The following FAM240B variants were observed in gnomAD, a reference collection of about 807,000 sequenced individuals.
The protein encoded by FAM240B is family with sequence similarity 240 member B, also known as protein FAM240B.
At chr9:38,700,268 T>G (rs532876955) in intron 2 of FAM240B, among the ~76,000 whole-genome samples, 1 of 152,334 alleles carries the variant, frequency 6.6e-6, no homozygotes, top group South Asian at 2.1e-4. Context: ...GTCCAATATC[T>G]TATTGCCTGA....
At chr9:38,718,585 AT>A (rs1396892934) in intron 1 of FAM240B, among the ~76,000 whole-genome samples, 1 of 152,246 alleles carries the variant, frequency 6.6e-6, no homozygotes, top group Non-Finnish European at 1.5e-5. Context: ...TGCTGAATTA[AT>A]GAATTGATGA....
intron 1 of FAM240B, among the ~76,000 whole-genome samples, chr9:38,713,489 A>AAC (rs1348639010): frequency 2.7e-5 from 4 of 149,392 alleles, no homozygotes; most frequent in African/African-American, 1.0e-4. Context: ...AACAAAAAAA[A>AAC]AAAAAAAAAA....
At chr9:38,708,885 G>T (rs1821221230) in intron 1 of FAM240B, among the ~76,000 whole-genome samples, 1 of 152,128 alleles carries the variant, frequency 6.6e-6, no homozygotes, top group Admixed American at 6.6e-5. Context: ...TCTGTTGCTG[G>T]GCTGTAAGAA....
intron 2 of FAM240B, among the ~76,000 whole-genome samples, chr9:38,698,412 A>G (rs1366606303): frequency 6.6e-6 from 1 of 152,224 alleles, no homozygotes; most frequent in African/African-American, 2.4e-5. Flanking sequence ...ATCACATTTC[A>G]TTATTATTCT....
rs1821207326 is a variant in FAM240B, at chr9:38,707,734, C to T, written c.-3-3732G>A. 2.0e-5 allele frequency among the ~76,000 whole-genome samples: 3 copies of T among 147,270 alleles called. No homozygotes were observed. The South Asian group carries it at 6.4e-4, about 31-fold the overall frequency. On this transcript the variant is annotated intron_variant, in intron 1 of 2. Coordinates refer to ENST00000637493, the MANE Select transcript of FAM240B (RefSeq NM_001394922.1). ...GCTTGAACCTGGGAGGTGGAGATTG[C>T]AGTGAGCTGAGGCAGCGCCACTGCA...
chr9:38,705,979 A>G (rs56318185), intron 1 of FAM240B, among the ~76,000 whole-genome samples: 8,384 of 152,280 alleles, frequency 0.055, 320 homozygotes, highest in Non-Finnish European at 0.086. Flanking sequence ...AAGGAGATGC[A>G]GGGACAGAAG....
At chr9:38,710,646 C>T (rs1366197411) in intron 1 of FAM240B, among the ~76,000 whole-genome samples, 2 of 152,138 alleles carry the variant, frequency 1.3e-5, no homozygotes, top group East Asian at 3.9e-4. Flanking sequence ...AACGACAGGG[C>T]GTGGAAGTGA....
chr9:38,711,802 A>G (rs765070829), intron 1 of FAM240B, among the ~76,000 whole-genome samples: 2 of 151,744 alleles, frequency 1.3e-5, no homozygotes, highest in Non-Finnish European at 2.9e-5. Flanking sequence ...GATTATAGGC[A>G]CGTGCCACCA....
In FAM240B at chr9:38,697,378, C is replaced by G. The variant is rs546028044; in HGVS notation, c.144-2509G>C. ...TTCTTTAACAGGTGGCTTTGGCTCA[C>G]TGACTCCCCATTACTCTGGCCAAAA... is the stretch of plus-strand genomic sequence containing the variant. On this transcript the variant is annotated intron_variant, in intron 2 of 2. Coordinates refer to ENST00000637493, the MANE Select transcript of FAM240B (RefSeq NM_001394922.1). 5.3e-5 allele frequency among the ~76,000 whole-genome samples: 8 copies of G among 152,320 alleles called. No homozygotes were observed. In the East Asian group the frequency reaches 1.5e-3, roughly 29 times the overall value.
chr9:38,707,119 T>G (rs1416884911), intron 1 of FAM240B, among the ~76,000 whole-genome samples: 1 of 152,236 alleles, frequency 6.6e-6, no homozygotes, highest in Non-Finnish European at 1.5e-5. Context: ...CACAGATTTT[T>G]TTAAATTACA....
chr9:38,703,668 T>C (rs1013060844), intron 2 of FAM240B, among the ~76,000 whole-genome samples, 189 bp downstream of exon 2: 3 of 152,190 alleles, frequency 2.0e-5, no homozygotes, highest in Non-Finnish European at 4.4e-5. Context: ...CTTCCAAGTC[T>C]TGCTCCCATT....
chr9:38,698,791 A>G (rs187553858), intron 2 of FAM240B, among the ~76,000 whole-genome samples: 1 of 152,254 alleles, frequency 6.6e-6, no homozygotes, highest in Non-Finnish European at 1.5e-5. Flanking sequence ...CACTATTGCT[A>G]AATGGTAAGG....
intron 1 of FAM240B, among the ~76,000 whole-genome samples, chr9:38,719,487 G>A (rs146656313): frequency 2.0e-5 from 3 of 152,218 alleles, no homozygotes; most frequent in African/African-American, 4.8e-5. Flanking sequence ...TCATGCACTT[G>A]AGTCTATCTG....
intron 1 of FAM240B, among the ~76,000 whole-genome samples, chr9:38,716,681 A>G (rs545446035): frequency 1.3e-5 from 2 of 152,282 alleles, no homozygotes; most frequent in African/African-American, 4.8e-5. Context: ...ATTGGCTAAC[A>G]TATTGTTTCT....
chr9:38,707,793 CAAAAAA>C (rs11300800), intron 1 of FAM240B, among the ~76,000 whole-genome samples: 2 of 109,398 alleles, frequency 1.8e-5, no homozygotes, highest in African/African-American at 3.5e-5. Context: ...GACTCGGTCT[CAAAAAA>C]AAAAAAAAAA....
At chr9:38,701,875 G>C (rs1821131867) in intron 2 of FAM240B, among the ~76,000 whole-genome samples, 1 of 151,340 alleles carries the variant, frequency 6.6e-6, no homozygotes, top group South Asian at 2.1e-4. Flanking sequence ...AATGGCACAG[G>C]ATCATTACAG....
chr9:38,701,596 G>A (rs1587589626), intron 2 of FAM240B, among the ~76,000 whole-genome samples: 1 of 152,174 alleles, frequency 6.6e-6, no homozygotes, highest in East Asian at 1.9e-4. Flanking sequence ...AGGGAGCCTC[G>A]CTTCCCCAGC....
At chr9:38,709,614 G>C (rs568029106) in intron 1 of FAM240B, among the ~76,000 whole-genome samples, 1 of 152,304 alleles carries the variant, frequency 6.6e-6, no homozygotes, top group South Asian at 2.1e-4. Context: ...TGTTCTCTCT[G>C]TGTGGTCGGG....
At chr9:38,695,318 C>A (rs368187043) in intron 2 of FAM240B, among the ~76,000 whole-genome samples, 3 of 152,218 alleles carry the variant, frequency 2.0e-5, no homozygotes, top group Non-Finnish European at 4.4e-5. Flanking sequence ...GTCAGGAGAT[C>A]GAGACCATCC....
Sources: gnomAD v4.1 joint callset for allele counts (sites outside exome capture counted in the v4.1 genomes callset) on GRCh38, gnomAD v4.1.1 for gene constraint, MANE v1.5 for transcripts, NCBI Gene and HGNC (gene_info 2026-07-23, HGNC 2026-07-21) for gene names.